The following SEMA3A variants were observed in gnomAD, a reference collection of about 807,000 sequenced individuals.
The protein encoded by SEMA3A is semaphorin 3A, also known as semaphorin-3A.
A neutral mutation model predicts 97.9 loss-of-function variants in SEMA3A; 29 were observed. The ratio of observed to expected loss-of-function variants is 0.30; its 90% CI spans 0.22 to 0.40. SEMA3A has a LOEUF of 0.40. Ranked by LOEUF, SEMA3A falls within the 10% of genes least tolerant of loss-of-function variation. SEMA3A has a pLI of 1.00. For missense variants in SEMA3A, 763 were observed against 951.3 expected, an observed-to-expected ratio of 0.80 and a Z score of 2.60; for synonymous variants, 321 against 323.7, an observed-to-expected ratio of 0.99 and a Z score of 0.09.
intron 1 of SEMA3A, among the ~76,000 whole-genome samples, chr7:84,174,526 C>G (rs1797500758): frequency 6.6e-6 from 1 of 152,136 alleles, no homozygotes; most frequent in South Asian, 2.1e-4. Context: ...ACTGAAACAA[C>G]TTACGCATCC....
chr7:83,989,615 A>G (rs1304164248), intron 12 of SEMA3A, among the ~76,000 whole-genome samples: 1 of 125,470 alleles, frequency 8.0e-6, no homozygotes, highest in Non-Finnish European at 1.7e-5. Context: ...ATGATTTCCA[A>G]TTTCATCCAT....
At chr7:84,024,267 C>T (rs1040623168) in intron 6 of SEMA3A, among the ~76,000 whole-genome samples, 4 of 152,080 alleles carry the variant, frequency 2.6e-5, no homozygotes, top group East Asian at 1.9e-4. Context: ...TGGCTGGGCG[C>T]GGTGGCTCAC....
intron 3 of SEMA3A, among the ~76,000 whole-genome samples, chr7:84,228,103 G>A (rs1799032058): frequency 3.3e-5 from 5 of 151,982 alleles, no homozygotes. Context: ...CAGAGATGTG[G>A]CAACATAGAT....
chr7:84,217,165 C>G (rs940684361), intron 3 of SEMA3A, among the ~76,000 whole-genome samples: 3 of 152,144 alleles, frequency 2.0e-5, no homozygotes, highest in Non-Finnish European at 4.4e-5. Flanking sequence ...ATGGTTAACG[C>G]AGAAAGGAAT....
chr7:84,063,078 G>A (rs1378372088), intron 4 of SEMA3A, among the ~76,000 whole-genome samples: 6 of 151,878 alleles, frequency 4.0e-5, no homozygotes, highest in Non-Finnish European at 8.8e-5. Flanking sequence ...ATCTGAGAAC[G>A]GGCAGACTGC....
chr7:84,067,106 G>A (rs1793538046), intron 4 of SEMA3A, among the ~76,000 whole-genome samples: 1 of 152,162 alleles, frequency 6.6e-6, no homozygotes, highest in East Asian at 1.9e-4. Context: ...AGAGCCCTCA[G>A]AAATAACGCT....
At chr7:84,196,114 C>T (rs897495684), upstream of SEMA3A, among the ~76,000 whole-genome samples, 3 of 151,852 alleles carry the variant, frequency 2.0e-5, no homozygotes, top group Admixed American at 6.6e-5. Flanking sequence ...CCTACCCCCT[C>T]CTACCACCAC....
intron 1 of SEMA3A, chr7:84,489,117 C>T (rs1806655238): frequency 6.6e-6 from 1 of 152,282 alleles, no homozygotes; most frequent in South Asian, 2.1e-4. Context: ...GCTGAGGAGG[C>T]CTCAGGAAGC....
At chr7:84,392,372 A>G (rs994304182) in intron 1 of SEMA3A, among the ~76,000 whole-genome samples, 1 of 152,150 alleles carries the variant, frequency 6.6e-6, no homozygotes, top group Admixed American at 6.6e-5. Context: ...CTGCAATTCT[A>G]TTCATGTTGT....
intron 6 of SEMA3A, among the ~76,000 whole-genome samples, chr7:84,030,216 A>T (rs185843027): frequency 2.6e-5 from 4 of 152,290 alleles, no homozygotes; most frequent in Non-Finnish European, 5.9e-5. Flanking sequence ...CTGTGATAGC[A>T]AGTAATTTAT....
chr7:84,023,627 A>G (rs867942176), intron 6 of SEMA3A, among the ~76,000 whole-genome samples: 9 of 152,218 alleles, frequency 5.9e-5, no homozygotes, highest in Non-Finnish European at 1.3e-4. Context: ...AAGGCGGAAC[A>G]TATAACCCCA....
chr7:84,467,512 G>A (rs947730783), intron 1 of SEMA3A, among the ~76,000 whole-genome samples: 4 of 133,852 alleles, frequency 3.0e-5, no homozygotes, highest in Admixed American at 8.1e-5. Context: ...GGGTGACAGA[G>A]CGAGACTCCT....
At chr7:84,488,234 A>G (rs560734130) in intron 1 of SEMA3A, among the ~76,000 whole-genome samples, 58 of 152,064 alleles carry the variant, frequency 3.8e-4, no homozygotes, top group Non-Finnish European at 6.2e-4. Context: ...CTAGAGAGAC[A>G]TACCACATAT....
intron 12 of SEMA3A, among the ~76,000 whole-genome samples, chr7:83,991,623 T>G (rs1029457750): frequency 1.3e-5 from 2 of 152,042 alleles, no homozygotes; most frequent in Admixed American, 6.5e-5. Flanking sequence ...GGATTACATT[T>G]ATTGATTTGC....
intron 1 of SEMA3A, among the ~76,000 whole-genome samples, chr7:84,447,968 A>G (rs1805465428): frequency 6.6e-6 from 1 of 152,230 alleles, no homozygotes; most frequent in South Asian, 2.1e-4. Flanking sequence ...GTCCAGCTAC[A>G]CAGCCTCACA....
intron 5 of SEMA3A, among the ~76,000 whole-genome samples, chr7:84,051,309 C>G (rs1792637246): frequency 6.6e-6 from 1 of 152,102 alleles, no homozygotes; most frequent in South Asian, 2.1e-4. Context: ...GCAGTATGGC[C>G]ATTTTCACGA....
intron 5 of SEMA3A, among the ~76,000 whole-genome samples, chr7:84,054,130 C>A (rs1288178944): frequency 6.6e-6 from 1 of 152,036 alleles, no homozygotes; most frequent in Non-Finnish European, 1.5e-5. Context: ...ACCTTTCTCT[C>A]TGGCTGCCCT....
chr7:83,996,430 G>T (rs1384138673), intron 12 of SEMA3A, among the ~76,000 whole-genome samples: 1 of 151,118 alleles, frequency 6.6e-6, no homozygotes, highest in Non-Finnish European at 1.5e-5. Context: ...AGCCTCCTGA[G>T]TAGCTGGGAT....
chr7:84,031,679 C>CA lies in SEMA3A; in HGVS notation c.667+14644dup, dbSNP rs1358275433. 6.6e-5 allele frequency among the ~76,000 whole-genome samples: 10 copies of CA among 151,466 alleles called. No individual in the cohort carries two copies. In the South Asian group the frequency reaches 1.5e-3, roughly 22 times the overall value. ...AGAAACCCCGTCTCTACTAAAAATACAAAAAAATCAGCTGGGTGTGGTGGT... is the reference window on the plus strand; with the variant it reads ...AGAAACCCCGTCTCTACTAAAAATACAAAAAAAATCAGCTGGGTGTGGTGGT... On this transcript the variant is annotated intron_variant, in intron 6 of 16. Transcript: ENST00000265362.
Sources: allele counts gnomAD v4.1 joint callset (sites outside exome capture counted in the v4.1 genomes callset), GRCh38; gene constraint gnomAD v4.1.1; transcripts MANE v1.5; gene names NCBI Gene and HGNC (gene_info 2026-07-23, HGNC 2026-07-21).